The following DNAJC25 variants were observed in gnomAD, a reference collection of about 807,000 sequenced individuals.
DNAJC25 encodes dnaJ homolog subfamily C member 25.
A neutral mutation model predicts 42.1 loss-of-function variants in DNAJC25; 26 were observed. The ratio of observed to expected loss-of-function variants is 0.62; its 90% CI spans 0.45 to 0.86. The LOEUF (loss-of-function observed/expected upper bound fraction) is 0.86, where lower values mean the gene tolerates loss of function less well. Ranked by LOEUF, DNAJC25 falls within the 40% of genes least tolerant of loss-of-function variation. DNAJC25 has a pLI of 0.00. For synonymous variants in DNAJC25, 189 were observed against 179.9 expected (o/e 1.05, Z -0.40); for missense variants, 404 against 459.4 (o/e 0.88, Z 1.10).
intron 1 of DNAJC25, among the ~76,000 whole-genome samples, chr9:111,640,127 T>A (rs1830428549): frequency 1.4e-5 from 2 of 139,742 alleles, no homozygotes; most frequent in South Asian, 2.2e-4. Context: ...GGGGTTTCGC[T>A]GTGTTGGCCG....
chr9:111,635,817 TACA>T (rs1830353996), intron 1 of DNAJC25, among the ~76,000 whole-genome samples: 1 of 152,156 alleles, frequency 6.6e-6, no homozygotes, highest in African/African-American at 2.4e-5. Context: ...AGGGAAGCGT[TACA>T]ACAACACTTC....
chr9:111,631,754 C>T lies in DNAJC25; in HGVS notation c.336+11C>T, dbSNP rs1441319481. 5 of 1,505,822 alleles carry T rather than the reference C, an allele frequency of 3.3e-6. No individual in the cohort carries two copies. Among genetic ancestry groups the T allele is most frequent in the Non-Finnish European group, 4.4e-6 (5 of 1,133,996 alleles). The allele number at this position is 1,505,822 out of a possible 1,614,324, so 93.3% of individuals were successfully genotyped here. ...TACGAGACACTCAAGGTGAGGCCTGCGGGCGTGGAGGGGCTTCGAAGACTG... is the reference window on the plus strand; with the variant it reads ...TACGAGACACTCAAGGTGAGGCCTGTGGGCGTGGAGGGGCTTCGAAGACTG... On this transcript the variant is annotated intron_variant, in intron 1 of 3. Coordinates refer to ENST00000313525, the MANE Select transcript of DNAJC25 (RefSeq NM_001015882.3).
intron 1 of DNAJC25, among the ~76,000 whole-genome samples, chr9:111,634,883 G>A (rs1216276170): frequency 6.6e-6 from 1 of 152,160 alleles, no homozygotes; most frequent in Non-Finnish European, 1.5e-5. Context: ...AAAAAAAGAA[G>A]TGTGGGTAAT....
chr9:111,650,454 C>T (rs1043121667), intron 3 of DNAJC25, among the ~76,000 whole-genome samples: 1 of 152,108 alleles, frequency 6.6e-6, no homozygotes, highest in African/African-American at 2.4e-5. Flanking sequence ...ACTGTAATGC[C>T]TCTAAACTTT....
intron 3 of DNAJC25, 76 bp downstream of exon 3, chr9:111,649,999 T>A: frequency 1.6e-6 from 2 of 1,285,398 alleles, no homozygotes; most frequent in African/African-American, 1.5e-5. Flanking sequence ...TAATGAGGGA[T>A]CACAGAAGTG....
intron 1 of DNAJC25, among the ~76,000 whole-genome samples, chr9:111,632,944 A>G (rs1830308928): frequency 6.6e-6 from 1 of 152,166 alleles, no homozygotes; most frequent in South Asian, 2.1e-4. Context: ...GGTAAAATTT[A>G]ATTTACCTAG....
chr9:111,638,233 A>T (rs1416322265), intron 1 of DNAJC25, among the ~76,000 whole-genome samples: 1 of 152,258 alleles, frequency 6.6e-6, no homozygotes, highest in Non-Finnish European at 1.5e-5. Context: ...AACCAGTAAG[A>T]TACTAAAACT....
At chr9:111,641,390 T>C (rs62569898) in intron 1 of DNAJC25, among the ~76,000 whole-genome samples, 13 of 120,198 alleles carry the variant, frequency 1.1e-4, no homozygotes, top group Non-Finnish European at 1.3e-4. Flanking sequence ...CCGCCCTGTC[T>C]GGGAGGGAGG....
At chr9:111,651,420 G>A (rs989178441) in intron 3 of DNAJC25, among the ~76,000 whole-genome samples, 3 of 152,126 alleles carry the variant, frequency 2.0e-5, no homozygotes, top group Admixed American at 1.3e-4. Flanking sequence ...CTGCAAAACT[G>A]TGTCTTTCTT....
intron 1 of DNAJC25, chr9:111,643,139 G>A (rs2273790): frequency 0.28 from 67,965 of 246,412 alleles, 10,503 homozygotes; most frequent in East Asian, 0.45. Flanking sequence ...GTTAGCCACA[G>A]TAGCATATTT....
intron 1 of DNAJC25, among the ~76,000 whole-genome samples, chr9:111,641,140 C>A (rs1830453029): frequency 8.9e-6 from 1 of 112,408 alleles, no homozygotes; most frequent in South Asian, 2.8e-4. Context: ...GGGGTCAGCC[C>A]CCCCACCCGG....
intron 1 of DNAJC25, among the ~76,000 whole-genome samples, chr9:111,635,599 G>C (rs1423970920): frequency 6.6e-6 from 1 of 152,172 alleles, no homozygotes; most frequent in Non-Finnish European, 1.5e-5. Flanking sequence ...ATAGAAATAA[G>C]CAGATGAGAG....
chr9:111,640,326 G>A (rs1435799485), intron 1 of DNAJC25, among the ~76,000 whole-genome samples: 1 of 144,828 alleles, frequency 6.9e-6, no homozygotes, highest in African/African-American at 2.5e-5. Context: ...TGCCGAGATT[G>A]CAGCCTCTGC....
chr9:111,644,603 C>T (rs1246973318), intron 1 of DNAJC25, among the ~76,000 whole-genome samples: 2 of 152,160 alleles, frequency 1.3e-5, no homozygotes, highest in Admixed American at 1.3e-4. Flanking sequence ...ACAGCCGGGG[C>T]AAAGGGCTGC....
intron 1 of DNAJC25, among the ~76,000 whole-genome samples, chr9:111,635,860 G>C (rs1830354432): frequency 6.6e-6 from 1 of 151,986 alleles, no homozygotes; most frequent in Non-Finnish European, 1.5e-5. Flanking sequence ...GATGTGGCAG[G>C]GCTTTAGCAC....
intron 1 of DNAJC25, among the ~76,000 whole-genome samples, chr9:111,640,453 C>T (rs1830436159): frequency 9.0e-6 from 1 of 111,118 alleles, no homozygotes; most frequent in African/African-American, 3.8e-5. Context: ...GCGTCTCCGC[C>T]CGGCCGCCAT....
Position 111,631,457 on chromosome 9 carries a change from G to A in DNAJC25, c.50G>A (p.Arg17Gln). Residue 17 changes from arginine (R) to glutamine (Q), a missense_variant, in exon 1 of 4, where the codon CGG becomes CAG. Physicochemically the swap from Arg to Gln is conservative, Grantham distance 43 (BLOSUM62 1). Coordinates refer to ENST00000313525, the MANE Select transcript of DNAJC25 (RefSeq NM_001015882.3). ...GGCTGGGGAGCCGGGGCTGCCGGCC[G>A]GCGCTGGTGGATGCTGCTGGCGCCC... ...SPGWGAGAAG[R>Q]RWWMLLAPLL... The A allele has an allele frequency of 7.7e-7, 1 of 1,301,314 alleles. No individual in the cohort carries two copies. Among genetic ancestry groups the A allele is most frequent in the Non-Finnish European group, 9.7e-7 (1 of 1,030,088 alleles). The allele number at this position is 1,301,314 out of a possible 1,614,324, so 80.6% of individuals were successfully genotyped here.
rs757438092 is a variant in DNAJC25, at chr9:111,653,082, A to G, written c.961-18A>G. ...TCCTCTTTGGATTGTGAAGTCATCT[A>G]GTTATTTATACTTACAGGTCTACAA... On this transcript the variant is annotated intron_variant, in intron 3 of 3. Coordinates refer to ENST00000313525, the MANE Select transcript of DNAJC25 (RefSeq NM_001015882.3). 1.9e-6 allele frequency: 3 copies of G among 1,568,184 alleles called. No homozygotes were observed. Among genetic ancestry groups the G allele is most frequent in the Middle Eastern group, 1.7e-4 (1 of 5,880 alleles).
intron 1 of DNAJC25, among the ~76,000 whole-genome samples, chr9:111,645,251 C>G (rs1830550467): frequency 7.1e-6 from 1 of 141,652 alleles, no homozygotes; most frequent in African/African-American, 2.6e-5. Context: ...CACACAGATT[C>G]AAAATTTTTT....
Sources: allele counts gnomAD v4.1 joint callset (sites outside exome capture counted in the v4.1 genomes callset), GRCh38; gene constraint gnomAD v4.1.1; transcripts MANE v1.5; gene names NCBI Gene and HGNC (gene_info 2026-07-23, HGNC 2026-07-21).